The following CSMD1 variants were observed in gnomAD, a reference collection of about 807,000 sequenced individuals.
CSMD1 encodes the protein CUB and Sushi multiple domains 1.
Under a neutral mutation model 417.5 loss-of-function variants are expected in CSMD1, and 213 were observed. That is an observed-to-expected ratio of 0.51 (90% CI 0.46 to 0.57). The LOEUF is 0.57. Ranked by LOEUF, CSMD1 falls within the 20% of genes least tolerant of loss-of-function variation. CSMD1 has a pLI of 0.00. For missense variants in CSMD1, 6,923 were observed against 4,529.7 expected, an observed-to-expected ratio of 1.53 and a Z score of -15.17; for synonymous variants, 2,862 against 1,736.8, an observed-to-expected ratio of 1.65 and a Z score of -16.11.
chr8:4,425,395 A>T (rs1045916044), intron 2 of CSMD1, among the ~76,000 whole-genome samples: 29 of 150,718 alleles, frequency 1.9e-4, no homozygotes, highest in African/African-American at 6.7e-4. Context: ...AAAAAAAAAA[A>T]AATAGAGTCC....
chr8:3,700,244 A>G (rs1871817), intron 7 of CSMD1, among the ~76,000 whole-genome samples: 6,570 of 152,260 alleles, frequency 0.043, 450 homozygotes, highest in African/African-American at 0.15. Context: ...CTGTACCCCA[A>G]TAACTTATGG....
chr8:4,226,066 GGA>G (rs1491577157), intron 3 of CSMD1, among the ~76,000 whole-genome samples: 2 of 69,038 alleles, frequency 2.9e-5, no homozygotes, highest in African/African-American at 1.1e-4. Flanking sequence ...GCTGACAGGC[GGA>G]CACACACACA....
In CSMD1 at chr8:4,988,193, T is replaced by C. The variant is rs554431420; in HGVS notation, c.85+6139A>G. On this transcript the variant is annotated intron_variant, in intron 1 of 69. Coordinates refer to ENST00000635120, the MANE Select transcript of CSMD1 (RefSeq NM_033225.6). ...TATTATAATGATAGCTTTTAAAACA[T>C]AGCATTATATGCATTACTCTCCGCT... Among the ~76,000 whole-genome samples, 6 of 152,332 alleles carry C rather than the reference T, an allele frequency of 3.9e-5. No individual in the cohort carries two copies. The East Asian group carries it at 9.6e-4, about 24-fold the overall frequency.
chr8:4,531,414 C>G (rs1796812424), intron 2 of CSMD1, among the ~76,000 whole-genome samples: 1 of 152,152 alleles, frequency 6.6e-6, no homozygotes. Context: ...GTTTTAATCT[C>G]AACTCTATTG....
chr8:4,278,507 A>G (rs1796607901), intron 3 of CSMD1, among the ~76,000 whole-genome samples: 1 of 152,228 alleles, frequency 6.6e-6, no homozygotes. Context: ...ACACAAAAGT[A>G]ATTGTGAGTT....
At chr8:3,982,320 C>T (rs1013538307) in intron 5 of CSMD1, among the ~76,000 whole-genome samples, 1 of 151,756 alleles carries the variant, frequency 6.6e-6, no homozygotes, top group Admixed American at 6.6e-5. Flanking sequence ...ATTACACAAT[C>T]CTTCTCTGCC....
At chr8:3,863,926 G>A (rs1349807538) in intron 5 of CSMD1, among the ~76,000 whole-genome samples, 1 of 152,072 alleles carries the variant, frequency 6.6e-6, no homozygotes, top group African/African-American at 2.4e-5. Flanking sequence ...GAAGCTTATG[G>A]AAAAATGACC....
intron 25 of CSMD1, among the ~76,000 whole-genome samples, chr8:3,292,386 A>G (rs1246783364): frequency 3.9e-5 from 6 of 151,948 alleles, no homozygotes; most frequent in Admixed American, 6.6e-5. Context: ...TATCCTTGTT[A>G]ACTTTCTGTC....
At chr8:4,955,287 C>G (rs1809017370) in intron 1 of CSMD1, among the ~76,000 whole-genome samples, 1 of 152,084 alleles carries the variant, frequency 6.6e-6, no homozygotes, top group Non-Finnish European at 1.5e-5. Context: ...GTTGCATAAA[C>G]TTGTAATTAA....
chr8:3,503,950 G>C (rs532882723), intron 10 of CSMD1, among the ~76,000 whole-genome samples: 3 of 151,982 alleles, frequency 2.0e-5, no homozygotes, highest in East Asian at 1.9e-4. Context: ...GCGGGGGTTA[G>C]GGCGTGGACA....
chr8:4,808,997 G>T lies in CSMD1; in HGVS notation c.86-171439C>A, dbSNP rs146332855. On this transcript the variant is annotated intron_variant, in intron 1 of 69. Transcript: ENST00000635120. ...CTTGTTTAAAATTGGAGGACATTTTGCTCTTGATCTTATTGAGTTGTCTTG... is the reference window on the plus strand; with the variant it reads ...CTTGTTTAAAATTGGAGGACATTTTTCTCTTGATCTTATTGAGTTGTCTTG... Among the ~76,000 whole-genome samples, 91 of 152,258 alleles carry T rather than the reference G, an allele frequency of 6.0e-4. 2 individuals are homozygous for T. The Middle Eastern group carries it at 0.017, about 28-fold the overall frequency.
intron 3 of CSMD1, among the ~76,000 whole-genome samples, chr8:4,202,864 T>C (rs1351094631): frequency 2.6e-5 from 4 of 152,048 alleles, no homozygotes; most frequent in Non-Finnish European, 4.4e-5. Flanking sequence ...TGCAGGTACC[T>C]GAGAAATAGA....
At chr8:3,346,630 C>T (rs989873909) in intron 22 of CSMD1, among the ~76,000 whole-genome samples, 12 of 152,200 alleles carry the variant, frequency 7.9e-5, no homozygotes, top group Non-Finnish European at 1.5e-4. Flanking sequence ...GCCCTTTAAT[C>T]TGTAAGCTTC....
At chr8:3,625,717 C>G (rs371673337) in intron 7 of CSMD1, among the ~76,000 whole-genome samples, 2 of 152,056 alleles carry the variant, frequency 1.3e-5, no homozygotes, top group Middle Eastern at 3.2e-3. Flanking sequence ...TTCAGTCATT[C>G]AACATTATTC....
At chr8:3,437,511 AG>A (rs2117045188) in intron 12 of CSMD1, among the ~76,000 whole-genome samples, 1 of 152,316 alleles carries the variant, frequency 6.6e-6, no homozygotes, top group African/African-American at 2.4e-5. Context: ...CAGCTTCTCC[AG>A]CCCTGCTCAA....
chr8:4,045,862 A>G (rs935127706), intron 3 of CSMD1, among the ~76,000 whole-genome samples: 2 of 149,714 alleles, frequency 1.3e-5, no homozygotes, highest in African/African-American at 4.9e-5. Flanking sequence ...GCACTGCATT[A>G]TTTTTTTTTT....
At chr8:4,217,915 G>C (rs1166330929) in intron 3 of CSMD1, among the ~76,000 whole-genome samples, 3 of 152,152 alleles carry the variant, frequency 2.0e-5, no homozygotes, top group African/African-American at 4.8e-5. Flanking sequence ...CAAAGAAGAA[G>C]AACAAGATTC....
intron 1 of CSMD1, among the ~76,000 whole-genome samples, chr8:4,814,972 A>G (rs1026444474): frequency 2.0e-5 from 3 of 152,144 alleles, no homozygotes; most frequent in Non-Finnish European, 1.5e-5. Flanking sequence ...ATGGATCCTC[A>G]TATTTCATAA....
intron 5 of CSMD1, among the ~76,000 whole-genome samples, chr8:3,995,416 G>A (rs1815131953): frequency 6.6e-6 from 1 of 152,150 alleles, no homozygotes; most frequent in South Asian, 2.1e-4. Flanking sequence ...ATGCTAAATT[G>A]CTTTTCCATC....
Sources: gnomAD v4.1 joint callset for allele counts (sites outside exome capture counted in the v4.1 genomes callset) on GRCh38, gnomAD v4.1.1 for gene constraint, MANE v1.5 for transcripts, NCBI Gene and HGNC (gene_info 2026-07-23, HGNC 2026-07-21) for gene names.